Variants in PCP4 observed in about 807,000 individuals in gnomAD.
The protein encoded by PCP4 is Purkinje cell protein 4, also known as calmodulin regulator protein PCP4.
Under a neutral mutation model 10.0 loss-of-function variants are expected in PCP4, and 8 were observed. The observed-to-expected ratio is 0.80, with a 90% CI of 0.47 to 1.45. The LOEUF (loss-of-function observed/expected upper bound fraction) is 1.45. PCP4 is among the 40% of genes most tolerant of loss of function. The probability of loss-of-function intolerance (pLI) is 0.00; values close to 1 mark genes in which losing one functional copy is unlikely to be tolerated. For missense variants in PCP4, 54 were observed against 74.4 expected (o/e 0.73, Z 1.01); for synonymous variants, 21 against 23.0 (o/e 0.91, Z 0.24).
At chr21:39,883,002 T>C (rs1296301646) in intron 1 of PCP4, among the ~76,000 whole-genome samples, 3 of 152,240 alleles carry the variant, frequency 2.0e-5, no homozygotes, top group African/African-American at 7.2e-5. Flanking sequence ...TGTTATTTTT[T>C]TTCTAATCAC....
chr21:39,881,177 A>G (rs1435805127), intron 1 of PCP4, among the ~76,000 whole-genome samples: 1 of 152,094 alleles, frequency 6.6e-6, no homozygotes, highest in African/African-American at 2.4e-5. Flanking sequence ...AAAGTATACA[A>G]TCTTGGGCTT....
At chr21:39,885,528 C>T (rs2087396175) in intron 1 of PCP4, among the ~76,000 whole-genome samples, 1 of 152,234 alleles carries the variant, frequency 6.6e-6, no homozygotes, top group African/African-American at 2.4e-5. Flanking sequence ...TGAGGGAGGA[C>T]ACATCTCTTC....
At chr21:39,917,083 G>A (rs1280233376) in intron 2 of PCP4, among the ~76,000 whole-genome samples, 2 of 152,110 alleles carry the variant, frequency 1.3e-5, no homozygotes, top group Non-Finnish European at 2.9e-5. Flanking sequence ...GTACCCTGGA[G>A]CTTAAAATAA....
At chr21:39,899,862 A>G (rs967084877) in intron 2 of PCP4, among the ~76,000 whole-genome samples, 8 of 152,038 alleles carry the variant, frequency 5.3e-5, no homozygotes, top group African/African-American at 1.2e-4. Context: ...CTATATGAGG[A>G]AGGACCCACT....
intron 2 of PCP4, among the ~76,000 whole-genome samples, chr21:39,927,345 C>T (rs1039862729): frequency 1.6e-5 from 1 of 63,174 alleles, no homozygotes; most frequent in African/African-American, 5.1e-5. Context: ...ATCTGTCTAT[C>T]TATCTATCTA....
At chr21:39,914,309 G>T (rs1054610074) in intron 2 of PCP4, among the ~76,000 whole-genome samples, 1 of 152,108 alleles carries the variant, frequency 6.6e-6, no homozygotes, top group Admixed American at 6.6e-5. Flanking sequence ...GGCCAGGCGT[G>T]GTGGCTCATG....
At chr21:39,916,818 C>T (rs1250467918) in intron 2 of PCP4, among the ~76,000 whole-genome samples, 1 of 152,188 alleles carries the variant, frequency 6.6e-6, no homozygotes, top group Non-Finnish European at 1.5e-5. Context: ...GAGTTGGAAG[C>T]TGTTATCCTC....
chr21:39,887,356 G>T lies in PCP4; in HGVS notation c.10-11120G>T, dbSNP rs564797730. ...TAACCAACTTTTTTTTTGTTTTTTG[G>T]TTTTTTTTTTTTTAAAAAACCTTCT... On this transcript the variant is annotated intron_variant, in intron 1 of 2. Coordinates refer to ENST00000328619, the MANE Select transcript of PCP4 (RefSeq NM_006198.3). 3.0e-4 allele frequency among the ~76,000 whole-genome samples: 44 copies of T among 144,330 alleles called. No individual in the cohort carries two copies. In the East Asian group the frequency reaches 3.2e-3, roughly 10 times the overall value. 94.7% of individuals were successfully genotyped at this position (144,330 alleles called of 152,430 possible). A position where few individuals can be genotyped will look rare whatever the true frequency, so the allele number is the denominator to read the frequency against.
At chr21:39,916,151 A>G (rs995473257) in intron 2 of PCP4, 5 of 152,008 alleles carry the variant, frequency 3.3e-5, no homozygotes, top group African/African-American at 1.2e-4. Flanking sequence ...AGGAATTTCA[A>G]TTCTTTCCAT....
intron 1 of PCP4, among the ~76,000 whole-genome samples, chr21:39,898,045 CAAA>C (rs780273912): frequency 8.5e-4 from 63 of 74,010 alleles, no homozygotes; most frequent in South Asian, 1.0e-3. Context: ...GACTCAGTCT[CAAA>C]AAAAAAAAAA....
intron 2 of PCP4, among the ~76,000 whole-genome samples, chr21:39,913,867 A>G (rs962804932): frequency 1.3e-5 from 2 of 152,192 alleles, no homozygotes; most frequent in Admixed American, 6.5e-5. Context: ...GGAAATACGC[A>G]AAGAGAAACA....
At chr21:39,907,796 CAAA>C (rs35436694) in intron 2 of PCP4, among the ~76,000 whole-genome samples, 1 of 145,548 alleles carries the variant, frequency 6.9e-6, no homozygotes. Context: ...GACTCTGTCT[CAAA>C]AAAAAAAAAG....
intron 1 of PCP4, among the ~76,000 whole-genome samples, chr21:39,885,117 T>C (rs117395659): frequency 0.013 from 2,037 of 152,320 alleles, 20 homozygotes; most frequent in Non-Finnish European, 0.018. Flanking sequence ...CCTTGTAAAT[T>C]ATGCCAGGAT....
At chr21:39,913,810 C>T (rs1568860289) in intron 2 of PCP4, among the ~76,000 whole-genome samples, 1 of 152,152 alleles carries the variant, frequency 6.6e-6, no homozygotes, top group Non-Finnish European at 1.5e-5. Flanking sequence ...ACAAAACAGA[C>T]CCGTCTACCG....
At chr21:39,899,596 C>T (rs746202228) in intron 2 of PCP4, among the ~76,000 whole-genome samples, 16 of 152,180 alleles carry the variant, frequency 1.1e-4, no homozygotes, top group Middle Eastern at 3.4e-3. Flanking sequence ...GTGCAGTGTT[C>T]CCTGGGTAAA....
In PCP4 at chr21:39,867,506, G is replaced by A; in HGVS notation, c.5G>A (p.Ser2Asn). The change falls in exon 1 of 3, where the codon AGT (serine) becomes AAT (asparagine). Residue 2 changes from serine to asparagine, a missense_variant. Ser to Asn is a conservative substitution (Grantham distance 46, BLOSUM62 1). Transcript: ENST00000328619. M[S>N]ERQGAGATNG... ...AGCTGTTGAGTTAGAGCCAACATGA[G>A]TGAGGTGAGTGATGCTTCGACCTGG... 1 of 1,614,174 alleles carries A rather than the reference G, an allele frequency of 6.2e-7. No homozygotes were observed. Among genetic ancestry groups the A allele is most frequent in the Non-Finnish European group, 8.5e-7 (1 of 1,179,984 alleles).
chr21:39,887,677 C>T (rs2837268), intron 1 of PCP4, among the ~76,000 whole-genome samples: 27,645 of 151,910 alleles, frequency 0.18, 2,690 homozygotes, highest in South Asian at 0.34. Flanking sequence ...CTTACCTGCC[C>T]GGCTGTTGAT....
intron 1 of PCP4, among the ~76,000 whole-genome samples, chr21:39,889,765 A>T (rs572390424): frequency 1.4e-4 from 22 of 152,332 alleles, no homozygotes; most frequent in African/African-American, 5.3e-4. Flanking sequence ...TAAATGCTAG[A>T]GGCATACATT....
chr21:39,906,178 A>G lies in PCP4; in HGVS notation c.61+7651A>G, dbSNP rs2087508114. Among the ~76,000 whole-genome samples, 3 of 152,160 alleles carry G rather than the reference A, an allele frequency of 2.0e-5. No individual in the cohort carries two copies. Among genetic ancestry groups the G allele is most frequent in the Admixed American group, 2.0e-4 (3 of 15,286 alleles). On this transcript the variant is annotated intron_variant, in intron 2 of 2. Transcript: ENST00000328619. The surrounding 1 kb of genome is among the most constrained non-coding windows in gnomAD (Gnocchi z 6.3). ...AAGGTCACATAAATAAGAGGAGGAA[A>G]GTTTTGGTCATCTGACCCACAGTCC...
Sources: allele counts gnomAD v4.1 joint callset (sites outside exome capture counted in the v4.1 genomes callset), GRCh38; gene constraint gnomAD v4.1.1; non-coding constraint Gnocchi (gnomAD v3.1); transcripts MANE v1.5; gene names NCBI Gene and HGNC (gene_info 2026-07-23, HGNC 2026-07-21).